Variants in DYTN observed in about 807,000 individuals in gnomAD.
The protein encoded by DYTN is dystrotelin.
Under a neutral mutation model 69.6 loss-of-function variants are expected in DYTN, and 75 were observed. The ratio of observed to expected loss-of-function variants is 1.08; its 90% CI spans 0.89 to 1.31. DYTN has a LOEUF of 1.31. Ranked by LOEUF, DYTN falls within the 50% of genes most tolerant of loss-of-function variation. DYTN has a pLI of 0.00. For missense variants in DYTN, 726 were observed against 688.4 expected (o/e 1.05, Z -0.61); for synonymous variants, 252 against 249.1 (o/e 1.01, Z -0.11).
intron 9 of DYTN, among the ~76,000 whole-genome samples, chr2:206,676,484 G>T (rs1341600621): frequency 6.6e-6 from 1 of 152,100 alleles, no homozygotes; most frequent in African/African-American, 2.4e-5. Context: ...CGCATGCGGG[G>T]CCTAAAACCT....
chr2:206,695,230 A>C (rs1255593059), intron 7 of DYTN, among the ~76,000 whole-genome samples: 3 of 152,210 alleles, frequency 2.0e-5, no homozygotes, highest in Non-Finnish European at 4.4e-5. Context: ...CGTTTTGTGC[A>C]GCTGCACAAT....
intron 4 of DYTN, among the ~76,000 whole-genome samples, chr2:206,705,431 C>T (rs1700015635): frequency 6.6e-6 from 1 of 152,182 alleles, no homozygotes; most frequent in Non-Finnish European, 1.5e-5. Flanking sequence ...AATTTGATAA[C>T]TAACGGAAAC....
intron 7 of DYTN, among the ~76,000 whole-genome samples, chr2:206,697,323 TCA>T (rs1207600973): frequency 6.6e-6 from 1 of 152,196 alleles, no homozygotes; most frequent in African/African-American, 2.4e-5. Flanking sequence ...TCCATGGCTA[TCA>T]CAGAGCAAAA....
At chr2:206,653,103 T>C (rs1699406583) in intron 11 of DYTN, among the ~76,000 whole-genome samples, 2 of 152,178 alleles carry the variant, frequency 1.3e-5, no homozygotes, top group Non-Finnish European at 2.9e-5. Context: ...ATCACTCCAA[T>C]ACCGCTCCAG....
In DYTN at chr2:206,707,613, ATTTTC is replaced by A. The variant is rs559719786; in HGVS notation, c.95-115_95-111del. The stretch of plus-strand genomic sequence containing the variant: ...ATAATTAAGACTTTTTATGGTCGCT[ATTTTC>A]TTTTAAGGGGAATGAAATATGACTA... On this transcript the variant is annotated intron_variant, in intron 2 of 11. Transcript: ENST00000452335. 247 of 1,099,584 alleles carry A rather than the reference ATTTTC, an allele frequency of 2.2e-4. 2 individuals are homozygous for A. In the African/African-American group the frequency reaches 3.4e-3, roughly 15 times the overall value. The allele number at this position is 1,099,584 out of a possible 1,614,324, so 68.1% of individuals were successfully genotyped here. A position where few individuals can be genotyped will look rare whatever the true frequency, so the allele number is the denominator to read the frequency against.
At chr2:206,676,932 A>AC (rs1699696810) in intron 9 of DYTN, among the ~76,000 whole-genome samples, 1 of 151,956 alleles carries the variant, frequency 6.6e-6, no homozygotes, top group African/African-American at 2.4e-5. Flanking sequence ...CTTAAAAAAA[A>AC]CTGATTAAAT....
At chr2:206,680,870 T>C (rs1699743753) in intron 9 of DYTN, among the ~76,000 whole-genome samples, 1 of 152,210 alleles carries the variant, frequency 6.6e-6, no homozygotes, top group Non-Finnish European at 1.5e-5. Context: ...ATACAGGCTC[T>C]TTTTTGGTTC....
intron 9 of DYTN, among the ~76,000 whole-genome samples, chr2:206,675,229 A>T: frequency 6.8e-6 from 1 of 146,844 alleles, no homozygotes; most frequent in East Asian, 1.9e-4. Flanking sequence ...ATTTAAATAT[A>T]TATGTATATA....
intron 3 of DYTN, 64 bp downstream of exon 3, chr2:206,707,238 G>A: frequency 1.9e-6 from 3 of 1,546,178 alleles, no homozygotes; most frequent in Admixed American, 3.9e-5. Context: ...AGCACCAAAT[G>A]GTAAATGACC....
At chr2:206,669,891 A>T (rs756357918) in intron 9 of DYTN, among the ~76,000 whole-genome samples, 92 of 152,202 alleles carry the variant, frequency 6.0e-4, no homozygotes, top group Non-Finnish European at 1.1e-3. Flanking sequence ...AGCATATCTC[A>T]TCATACATAT....
chr2:206,667,730 G>GTT (rs1553572230), intron 9 of DYTN, among the ~76,000 whole-genome samples: 107 of 150,248 alleles, frequency 7.1e-4, no homozygotes, highest in African/African-American at 2.4e-3. Flanking sequence ...GTGTGTGTGT[G>GTT]TTGACATGTC....
rs80244076 is a variant in DYTN, at chr2:206,662,306, G to C, written c.1633+597C>G. 8.4e-3 allele frequency among the ~76,000 whole-genome samples: 1,277 copies of C among 152,240 alleles called. 16 individuals are homozygous for C. The highest frequency in any genetic ancestry group is 0.03 in the African/African-American group (1,232 of 41,548). The stretch of plus-strand genomic sequence containing the variant: ...TCAACTTACATTGCATTTATCAGAT[G>C]TAACCCCATTGTAAACTGAGAAGGA... On this transcript the variant is annotated intron_variant, in intron 11 of 11. Coordinates refer to ENST00000452335, the MANE Select transcript of DYTN (RefSeq NM_001093730.1).
chr2:206,702,477 AAGATGGCTTGTAC>A (rs1302706230), intron 5 of DYTN, among the ~76,000 whole-genome samples: 12 of 152,376 alleles, frequency 7.9e-5, no homozygotes, highest in African/African-American at 2.2e-4. Context: ...TAATAGTGAC[AAGATGGCTTGTAC>A]TTTAAATTGA....
At chr2:206,665,748 CG>C (rs1699563216) in intron 10 of DYTN, 121 bp downstream of exon 10, 1 of 1,192,374 alleles carries the variant, frequency 8.4e-7, no homozygotes, top group African/African-American at 1.5e-5. Context: ...GGTCAGGGTA[CG>C]GGGAGAAGAG....
At chr2:206,676,717 T>C (rs1241738340) in intron 9 of DYTN, among the ~76,000 whole-genome samples, 2 of 152,206 alleles carry the variant, frequency 1.3e-5, no homozygotes, top group Non-Finnish European at 2.9e-5. Flanking sequence ...GCAGTGCCTA[T>C]AGTTAACAGC....
chr2:206,709,708 G>T (rs1559318712), intron 2 of DYTN, among the ~76,000 whole-genome samples: 3 of 152,124 alleles, frequency 2.0e-5, no homozygotes, highest in East Asian at 1.9e-4. Flanking sequence ...GCCTTCAGTA[G>T]AAATGTCATA....
intron 11 of DYTN, among the ~76,000 whole-genome samples, chr2:206,656,764 CTTT>C (rs34895289): frequency 1.2e-4 from 16 of 138,592 alleles, no homozygotes; most frequent in Non-Finnish European, 2.0e-4. Context: ...TCTAAATAGT[CTTT>C]TTTTTTTTTT....
At chr2:206,681,245 G>A (rs549497161) in intron 9 of DYTN, among the ~76,000 whole-genome samples, 1 of 152,182 alleles carries the variant, frequency 6.6e-6, no homozygotes, top group East Asian at 1.9e-4. Context: ...CTTTGCTGAG[G>A]TTGCTTATCA....
Position 206,663,131 on chromosome 2 carries a change from T to C in DYTN, c.1405A>G (p.Thr469Ala), listed in dbSNP as rs1384711413. Reference protein sequence around the residue: ...TLHSTRAQSQTQKMPQKVISA... With the variant: ...TLHSTRAQSQAQKMPQKVISA... ...ATGACTTTCTGTGGCATCTTTTGTG[T>C]TTGGCTTTGTGCCCTGGTGCTGTGC... is the stretch of plus-strand genomic sequence containing the variant. The change falls in exon 11 of 12, where the codon ACA becomes GCA. Residue 469 changes from threonine (T) to alanine (A), a missense_variant. Coordinates refer to ENST00000452335, the MANE Select transcript of DYTN (RefSeq NM_001093730.1). 1.2e-6 allele frequency: 2 copies of C among 1,613,848 alleles called. No individual in the cohort carries two copies. Among genetic ancestry groups the C allele is most frequent in the African/African-American group, 1.3e-5 (1 of 74,928 alleles).
Sources: allele counts gnomAD v4.1 joint callset (sites outside exome capture counted in the v4.1 genomes callset), GRCh38; gene constraint gnomAD v4.1.1; transcripts MANE v1.5; gene names NCBI Gene and HGNC (gene_info 2026-07-23, HGNC 2026-07-21).